NELL1: variants seen among roughly 807,000 people sequenced by gnomAD.
NELL1 encodes the protein neural EGFL like 1.
NELL1 carries 76 observed loss-of-function variants against 107.4 expected under a neutral mutation model. The ratio of observed to expected loss-of-function variants is 0.71; its 90% CI spans 0.59 to 0.86. The LOEUF (loss-of-function observed/expected upper bound fraction) is 0.86. Among genes scored for constraint, NELL1 ranks in the 40% least tolerant of loss-of-function variants. The probability of loss-of-function intolerance (pLI) is 0.00; values close to 1 mark genes in which losing one functional copy is unlikely to be tolerated. For missense variants in NELL1, 1,024 were observed against 1,005.5 expected (o/e 1.02, Z -0.25); for synonymous variants, 353 against 341.2 (o/e 1.03, Z -0.38).
At chr11:20,851,680 TTTAA>T (rs552734856) in intron 4 of NELL1, among the ~76,000 whole-genome samples, 39 of 152,244 alleles carry the variant, frequency 2.6e-4, no homozygotes, top group Admixed American at 4.6e-4. Flanking sequence ...ATTTGTAACT[TTTAA>T]TTTTCATTCA....
chr11:21,027,765 T>C (rs1426149752), intron 12 of NELL1, among the ~76,000 whole-genome samples: 2 of 152,186 alleles, frequency 1.3e-5, no homozygotes, highest in Non-Finnish European at 2.9e-5. Flanking sequence ...CTTGTTTTGA[T>C]TTTTAGCAAA....
chr11:21,176,591 G>T (rs1057114392), intron 13 of NELL1, among the ~76,000 whole-genome samples: 2 of 151,718 alleles, frequency 1.3e-5, no homozygotes, highest in Non-Finnish European at 2.9e-5. Flanking sequence ...CTTAAAATTT[G>T]ATTCCATTGA....
chr11:21,086,905 C>G (rs1027372124), intron 12 of NELL1, among the ~76,000 whole-genome samples: 10 of 146,592 alleles, frequency 6.8e-5, no homozygotes, highest in Non-Finnish European at 1.0e-4. Flanking sequence ...GATCTCGGCT[C>G]ACTGCAACCT....
intron 14 of NELL1, among the ~76,000 whole-genome samples, chr11:21,230,791 T>G (rs1359889108): frequency 7.1e-6 from 1 of 141,732 alleles, no homozygotes; most frequent in Non-Finnish European, 1.5e-5. Flanking sequence ...TACATGACTA[T>G]GAGTGTAAAT....
At chr11:20,750,562 A>AATTATTATTATTATTATT (rs113562957) in intron 2 of NELL1, among the ~76,000 whole-genome samples, 2 of 149,602 alleles carry the variant, frequency 1.3e-5, no homozygotes, top group African/African-American at 4.9e-5. Flanking sequence ...TGTACCTCGG[A>AATTATTATTATTATTATT]ATTATTATTA....
chr11:20,901,505 T>A (rs2134132516), intron 5 of NELL1, among the ~76,000 whole-genome samples: 1 of 151,800 alleles, frequency 6.6e-6, no homozygotes, highest in Non-Finnish European at 1.5e-5. Context: ...TAAAAACGTC[T>A]GCTTCTTCCA....
At chr11:20,912,245 C>G (rs1245944097) in intron 5 of NELL1, among the ~76,000 whole-genome samples, 3 of 152,094 alleles carry the variant, frequency 2.0e-5, no homozygotes, top group Non-Finnish European at 4.4e-5. Flanking sequence ...GAATCACTTG[C>G]TTGGTGCCTG....
intron 2 of NELL1, among the ~76,000 whole-genome samples, chr11:20,717,561 T>A (rs912359713): frequency 6.6e-6 from 1 of 152,160 alleles, no homozygotes; most frequent in African/African-American, 2.4e-5. Context: ...TGCCCAAGAT[T>A]AAACAGCAAG....
At position 21,164,877 on chromosome 11, in the gene NELL1, G is replaced by A. The variant is rs539675043; in HGVS notation, c.1426+51163G>A. ...CATTTAATTGCCTGCTTTTTCTCTAGATGATAACATTTTTAATAAATATTC... is the reference window on the plus strand; with the variant it reads ...CATTTAATTGCCTGCTTTTTCTCTAAATGATAACATTTTTAATAAATATTC... On this transcript the variant is annotated intron_variant, in intron 13 of 19. Coordinates refer to ENST00000357134, the MANE Select transcript of NELL1 (RefSeq NM_006157.5). 3.3e-5 allele frequency among the ~76,000 whole-genome samples: 5 copies of A among 152,160 alleles called. No individual in the cohort carries two copies. The South Asian group carries it at 1.0e-3, about 32-fold the overall frequency.
intron 14 of NELL1, among the ~76,000 whole-genome samples, chr11:21,255,859 T>C (rs921875914): frequency 3.3e-5 from 5 of 152,066 alleles, no homozygotes; most frequent in African/African-American, 1.2e-4. Context: ...ATTTTCATAC[T>C]TTTGTACTTG....
At chr11:21,268,963 G>T (rs1184811452) in intron 14 of NELL1, among the ~76,000 whole-genome samples, 2 of 151,988 alleles carry the variant, frequency 1.3e-5, no homozygotes, top group African/African-American at 2.4e-5. Context: ...TTCTAAGAAA[G>T]GATTGAAAAG....
At chr11:21,533,320 G>C (rs1446912130) in intron 15 of NELL1, among the ~76,000 whole-genome samples, 1 of 152,044 alleles carries the variant, frequency 6.6e-6, no homozygotes, top group Non-Finnish European at 1.5e-5. Flanking sequence ...CTTCTTATAG[G>C]CCCTGTTAAA....
At chr11:20,741,708 A>C (rs988687820) in intron 2 of NELL1, among the ~76,000 whole-genome samples, 1 of 152,222 alleles carries the variant, frequency 6.6e-6, no homozygotes, top group Non-Finnish European at 1.5e-5. Context: ...ATCAAGGTTA[A>C]TTCTACGATG....
intron 15 of NELL1, among the ~76,000 whole-genome samples, chr11:21,524,612 G>A (rs1855805922): frequency 6.6e-6 from 1 of 152,076 alleles, no homozygotes; most frequent in Non-Finnish European, 1.5e-5. Context: ...ACTCGAGAGA[G>A]TGCAAAGGTT....
chr11:21,023,526 G>A (rs1270946780), intron 12 of NELL1, among the ~76,000 whole-genome samples: 1 of 151,892 alleles, frequency 6.6e-6, no homozygotes. Flanking sequence ...ATATTCTAAT[G>A]TGCATATTTA....
In NELL1 at chr11:21,118,869, A is replaced by G. The variant is rs183374333; in HGVS notation, c.1426+5155A>G. ...GTCAGTAGTCATACTGAAAAATTCTATTCAACCAAAAATAGGAAGCCTAAA... is the reference window on the plus strand; with the variant it reads ...GTCAGTAGTCATACTGAAAAATTCTGTTCAACCAAAAATAGGAAGCCTAAA... On this transcript the variant is annotated intron_variant, in intron 13 of 19. Coordinates refer to ENST00000357134, the MANE Select transcript of NELL1 (RefSeq NM_006157.5). 2.6e-4 allele frequency among the ~76,000 whole-genome samples: 40 copies of G among 152,148 alleles called. No homozygotes were observed. In the South Asian group the frequency reaches 3.1e-3, roughly 12 times the overall value.
chr11:21,465,391 C>A (rs1854002462), intron 15 of NELL1, among the ~76,000 whole-genome samples: 2 of 152,066 alleles, frequency 1.3e-5, no homozygotes, highest in African/African-American at 4.8e-5. Flanking sequence ...CAGCTCTGGG[C>A]TCTTTTTACT....
chr11:21,411,200 G>A (rs1227552095), intron 15 of NELL1, among the ~76,000 whole-genome samples: 1 of 152,050 alleles, frequency 6.6e-6, no homozygotes, highest in African/African-American at 2.4e-5. Context: ...GTTCTCTAGT[G>A]TAATGTCCAT....
chr11:21,105,399 T>G (rs2133712776), intron 12 of NELL1, among the ~76,000 whole-genome samples: 1 of 152,270 alleles, frequency 6.6e-6, no homozygotes, highest in African/African-American at 2.4e-5. Flanking sequence ...ATGTGGTGTT[T>G]ACGTCACACT....
Sources: gnomAD v4.1 joint callset for allele counts (sites outside exome capture counted in the v4.1 genomes callset) on GRCh38, gnomAD v4.1.1 for gene constraint, MANE v1.5 for transcripts, NCBI Gene and HGNC (gene_info 2026-07-23, HGNC 2026-07-21) for gene names.